USP46: variants seen among roughly 807,000 people sequenced by gnomAD.
USP46 encodes the protein ubiquitin carboxyl-terminal hydrolase 46.
A neutral mutation model predicts 44.4 loss-of-function variants in USP46; 12 were observed. That is an observed-to-expected ratio of 0.27 (90% confidence interval 0.17 to 0.44). The LOEUF is 0.44. Among genes scored for constraint, USP46 ranks in the 20% least tolerant of loss-of-function variants. USP46 has a pLI of 1.00. For synonymous variants in USP46, 155 were observed against 161.5 expected (o/e 0.96, Z 0.31); for missense variants, 248 against 444.8 (o/e 0.56, Z 3.98).
chr4:52,640,262 T>C (rs557044910), intron 1 of USP46, among the ~76,000 whole-genome samples: 6 of 152,204 alleles, frequency 3.9e-5, no homozygotes, highest in African/African-American at 1.2e-4. Context: ...ATGTGGTTCA[T>C]TCCATCAACA....
chr4:52,598,473 G>A lies in USP46; in HGVS notation c.999+155C>T, dbSNP rs1033181965. 9.9e-6 allele frequency: 7 copies of A among 703,594 alleles called. No individual in the cohort carries two copies. The African/African-American group carries it at 1.1e-4, about 11-fold the overall frequency. 43.6% of individuals were successfully genotyped at this position (703,594 alleles called of 1,614,324 possible). A position where few individuals can be genotyped will look rare whatever the true frequency, so the allele number is the denominator to read the frequency against. On this transcript the variant is annotated intron_variant, in intron 8 of 8. Transcript: ENST00000441222. Reference sequence around the variant, plus strand: ...CCCCTTCTCCCTTTCCATGGAGCATGGGGATTAGCAGAATTTGGTTTTGAA... The same window carrying A: ...CCCCTTCTCCCTTTCCATGGAGCATAGGGATTAGCAGAATTTGGTTTTGAA...
intron 2 of USP46, among the ~76,000 whole-genome samples, chr4:52,628,827 C>T (rs1211675336): frequency 6.6e-6 from 1 of 152,194 alleles, no homozygotes; most frequent in Non-Finnish European, 1.5e-5. Flanking sequence ...TCTGCCAAGG[C>T]GGCAATTGTG....
chr4:52,609,140 G>A (rs541851791), intron 5 of USP46, among the ~76,000 whole-genome samples: 87 of 152,226 alleles, frequency 5.7e-4, no homozygotes, highest in Middle Eastern at 6.8e-3. Flanking sequence ...TTATAACTCA[G>A]CTACCATACA....
At chr4:52,657,665 A>G (rs11939490) in intron 1 of USP46, among the ~76,000 whole-genome samples, 20,112 of 152,208 alleles carry the variant, frequency 0.13, 1,369 homozygotes, top group African/African-American at 0.18. Flanking sequence ...CACAGGAATA[A>G]GAGGAAATCT....
At chr4:52,645,224 CA>C (rs74266163) in intron 1 of USP46, among the ~76,000 whole-genome samples, 1,416 of 79,820 alleles carry the variant, frequency 0.018, 10 homozygotes, top group African/African-American at 0.051. Context: ...GACTCTATCT[CA>C]AAAAAAAAAA....
intron 1 of USP46, among the ~76,000 whole-genome samples, chr4:52,644,920 G>A (rs1432173445): frequency 6.6e-6 from 1 of 152,048 alleles, no homozygotes; most frequent in Non-Finnish European, 1.5e-5. Flanking sequence ...AGCCGGGCGT[G>A]GTGGCACGCG....
At position 52,593,030 on chromosome 4, in the gene USP46, C is replaced by T; in HGVS notation, c.*4610G>A. 2.5e-6 allele frequency: 1 copy of T among 398,132 alleles called. No individual in the cohort carries two copies. Among genetic ancestry groups the T allele is most frequent in the Non-Finnish European group, 4.4e-6 (1 of 225,918 alleles). 24.7% of individuals were successfully genotyped at this position (398,132 alleles called of 1,614,324 possible). On this transcript the variant is annotated 3_prime_UTR_variant, in exon 9 of 9. Transcript: ENST00000441222. ...TTAAACCTCTTTTCTTCAGAAATGACCCACGCTCAGGTATGTCTTTATAGC... is the reference window on the plus strand; with the variant it reads ...TTAAACCTCTTTTCTTCAGAAATGATCCACGCTCAGGTATGTCTTTATAGC...
intron 3 of USP46, among the ~76,000 whole-genome samples, chr4:52,626,499 T>C (rs1717590999): frequency 6.6e-6 from 1 of 152,252 alleles, no homozygotes; most frequent in East Asian, 1.9e-4. Flanking sequence ...CTAATTTTTG[T>C]ATTTTTAGTA....
rs556019901 is a variant in USP46 at position 52,621,274 on chromosome 4, G to A, written c.561+4744C>T. 7.9e-5 allele frequency among the ~76,000 whole-genome samples: 12 copies of A among 152,172 alleles called. No individual in the cohort carries two copies. The South Asian group carries it at 1.2e-3, about 16-fold the overall frequency. On this transcript the variant is annotated intron_variant, in intron 4 of 8. Transcript: ENST00000441222. ...TAGTGGCAAAAAAATCCTAAAAATCGTAGATCTCACAATCCAACAATGTAT... is the reference window on the plus strand; with the variant it reads ...TAGTGGCAAAAAAATCCTAAAAATCATAGATCTCACAATCCAACAATGTAT...
chr4:52,612,970 C>T (rs186400363), intron 4 of USP46, among the ~76,000 whole-genome samples: 12 of 152,250 alleles, frequency 7.9e-5, no homozygotes, highest in Admixed American at 2.6e-4. Context: ...ACTAAGATCC[C>T]AGCACACCAA....
intron 6 of USP46, among the ~76,000 whole-genome samples, chr4:52,603,581 G>T (rs1190093005): frequency 2.0e-5 from 3 of 152,208 alleles, no homozygotes; most frequent in Non-Finnish European, 2.9e-5. Context: ...TGGCTTGTAG[G>T]AGCAGATTAA....
intron 5 of USP46, among the ~76,000 whole-genome samples, 170 bp from the exon 6 acceptor site, chr4:52,604,754 A>G (rs958018566): frequency 2.0e-5 from 3 of 152,252 alleles, no homozygotes; most frequent in African/African-American, 7.2e-5. Context: ...TACAGGATGA[A>G]AAACAAAAAT....
intron 1 of USP46, among the ~76,000 whole-genome samples, chr4:52,650,251 A>G (rs1421433864): frequency 6.6e-6 from 1 of 152,240 alleles, no homozygotes; most frequent in Non-Finnish European, 1.5e-5. Context: ...AAGTCAAAGA[A>G]TCCTGTTACA....
At chr4:52,632,918 G>GAAAGAAAGAAAGAAAGAAAGAA (rs34224846) in intron 1 of USP46, among the ~76,000 whole-genome samples, 7 of 35,202 alleles carry the variant, frequency 2.0e-4, no homozygotes, top group East Asian at 1.2e-3. Context: ...AAGAAAGAAA[G>GAAAGAAAGAAAGAAAGAAAGAA]AGAAAGAAAG....
chr4:52,611,058 TC>T (rs1264423297), intron 4 of USP46, among the ~76,000 whole-genome samples: 1 of 151,912 alleles, frequency 6.6e-6, no homozygotes, highest in Non-Finnish European at 1.5e-5. Flanking sequence ...TTGAAATCAC[TC>T]CCTTTCTCCC....
intron 4 of USP46, among the ~76,000 whole-genome samples, chr4:52,613,872 A>T (rs1308424954): frequency 6.6e-6 from 1 of 152,222 alleles, no homozygotes; most frequent in Admixed American, 6.5e-5. Flanking sequence ...AACTAAGACC[A>T]ATCCTGGGAT....
At chr4:52,650,889 G>A (rs1422001953) in intron 1 of USP46, 2 of 152,094 alleles carry the variant, frequency 1.3e-5, no homozygotes, top group Non-Finnish European at 2.9e-5. Flanking sequence ...ACGAGGTCAA[G>A]AGATCAAGAC....
chr4:52,639,983 G>A (rs1398438145), intron 1 of USP46, among the ~76,000 whole-genome samples: 1 of 150,928 alleles, frequency 6.6e-6, no homozygotes, highest in African/African-American at 2.4e-5. Context: ...GGGATTACTG[G>A]TGTGAGCCAT....
chr4:52,604,440 G>T, intron 6 of USP46, 61 bp downstream of exon 6: 1 of 1,405,978 alleles, frequency 7.1e-7, no homozygotes, highest in Non-Finnish European at 1.0e-6. Flanking sequence ...ACCCTGCTGG[G>T]CCCCACAGTC....
Sources: allele counts gnomAD v4.1 joint callset (sites outside exome capture counted in the v4.1 genomes callset), GRCh38; gene constraint gnomAD v4.1.1; transcripts MANE v1.5; gene names NCBI Gene and HGNC (gene_info 2026-07-23, HGNC 2026-07-21).